The following THSD7A variants were observed in gnomAD, a reference collection of about 807,000 sequenced individuals.
THSD7A encodes the protein thrombospondin type-1 domain-containing protein 7A.
Under a neutral mutation model 231.3 loss-of-function variants are expected in THSD7A, and 96 were observed. The ratio of observed to expected loss-of-function variants is 0.41; its 90% CI spans 0.35 to 0.49. The LOEUF is 0.49. Among genes scored for constraint, THSD7A ranks in the 20% least tolerant of loss-of-function variants. The pLI, the probability that THSD7A is intolerant of heterozygous loss-of-function variation, is 0.05. For synonymous variants in THSD7A, 940 were observed against 743.3 expected (o/e 1.26, Z -4.30); for missense variants, 2,290 against 2,070.2 (o/e 1.11, Z -2.06).
At chr7:11,702,553 G>A (rs1183217462) in intron 1 of THSD7A, among the ~76,000 whole-genome samples, 2 of 151,160 alleles carry the variant, frequency 1.3e-5, no homozygotes, top group Non-Finnish European at 3.0e-5. Flanking sequence ...ATGTTTCTGG[G>A]CAGGCCGATC....
intron 2 of THSD7A, among the ~76,000 whole-genome samples, chr7:11,598,907 G>A (rs1213042745): frequency 2.0e-5 from 3 of 152,130 alleles, no homozygotes; most frequent in African/African-American, 7.2e-5. Flanking sequence ...GGAAGTTAAG[G>A]TTGCTACCTG....
At chr7:11,793,365 A>G (rs573785356) in intron 1 of THSD7A, among the ~76,000 whole-genome samples, 6 of 152,102 alleles carry the variant, frequency 3.9e-5, no homozygotes, top group East Asian at 1.9e-4. Flanking sequence ...ACATACAGGA[A>G]CTAGAGAGTG....
At chr7:11,387,353 G>A (rs1782790220) in intron 23 of THSD7A, among the ~76,000 whole-genome samples, 1 of 152,094 alleles carries the variant, frequency 6.6e-6, no homozygotes, top group Admixed American at 6.5e-5. Flanking sequence ...ATCATGGGAT[G>A]TTTTTCCATT....
chr7:11,831,929 C>T lies in THSD7A; in HGVS notation c.18G>A (p.Arg6=), dbSNP rs1785210885. The change falls in exon 1 of 28, where the codon AGG becomes AGA. Residue 6 remains arginine (R), a synonymous_variant. Coordinates refer to ENST00000423059, the MANE Select transcript of THSD7A (RefSeq NM_015204.3). The surrounding 1 kb of genome is among the most constrained non-coding windows in gnomAD (Gnocchi z 5.0). MGLQA[R]RWASGSRGAA... is the part of the protein sequence containing the mutation. ...CGCCCCGGCTCCCGGACGCCCAGCG[C>T]CTGGCTTGCAGCCCCATGCCGCCTG... 2.4e-6 allele frequency: 3 copies of T among 1,235,484 alleles called. No individual in the cohort carries two copies. The highest frequency in any genetic ancestry group is 4.3e-5 in the Admixed American group (1 of 23,410). 76.5% of individuals were successfully genotyped at this position (1,235,484 alleles called of 1,614,324 possible).
In THSD7A at chr7:11,412,767, C is replaced by G; in HGVS notation, c.3571G>C (p.Ala1191Pro). 6.2e-7 allele frequency: 1 copy of G among 1,613,258 alleles called. No individual in the cohort carries two copies. The highest frequency in any genetic ancestry group is 8.5e-7 in the Non-Finnish European group (1 of 1,179,506). Residue 1191 changes from alanine (A) to proline (P), a missense_variant, in exon 18 of 28, where the codon GCT becomes CCT. By Grantham distance (27) the Ala-to-Pro change is conservative. Transcript: ENST00000423059. ...CNQSSFRQRS[A>P]DPIRQPADEG... ...TCAGCTGGTTGTCTGATGGGATCAGCTGACCTTTGCCGGAAACTGCTTTGA... is the reference window on the plus strand; with the variant it reads ...TCAGCTGGTTGTCTGATGGGATCAGGTGACCTTTGCCGGAAACTGCTTTGA...
intron 1 of THSD7A, among the ~76,000 whole-genome samples, chr7:11,784,671 T>C (rs866966471): frequency 1.3e-5 from 2 of 152,132 alleles, no homozygotes; most frequent in Non-Finnish European, 2.9e-5. Flanking sequence ...TTTAATTTCT[T>C]AATATTTTAA....
At chr7:11,433,977 A>G (rs1292047820) in intron 13 of THSD7A, among the ~76,000 whole-genome samples, 1 of 152,030 alleles carries the variant, frequency 6.6e-6, no homozygotes, top group African/African-American at 2.4e-5. Flanking sequence ...AAAAGCGTAT[A>G]TTGCCTAGCA....
intron 1 of THSD7A, among the ~76,000 whole-genome samples, chr7:11,675,969 G>A (rs1402609879): frequency 6.6e-6 from 1 of 152,166 alleles, no homozygotes; most frequent in African/African-American, 2.4e-5. Flanking sequence ...CTCCTGATGG[G>A]GAGACATCTC....
intron 1 of THSD7A, among the ~76,000 whole-genome samples, chr7:11,759,670 C>T (rs933195420): frequency 4.6e-5 from 7 of 151,934 alleles, no homozygotes; most frequent in Admixed American, 2.0e-4. Flanking sequence ...ACACGATTAC[C>T]TAATCACACC....
At chr7:11,577,474 A>C (rs1790965045) in intron 4 of THSD7A, among the ~76,000 whole-genome samples, 1 of 151,738 alleles carries the variant, frequency 6.6e-6, no homozygotes, top group South Asian at 2.1e-4. Context: ...GTGCCACCAC[A>C]CCCAGCTAAT....
chr7:11,787,338 T>C (rs1325226182), intron 1 of THSD7A, among the ~76,000 whole-genome samples: 3 of 151,984 alleles, frequency 2.0e-5, no homozygotes, highest in African/African-American at 7.2e-5. Context: ...AAAATCTAAA[T>C]GACTTTGGAT....
intron 1 of THSD7A, among the ~76,000 whole-genome samples, chr7:11,728,899 C>T (rs1354234507): frequency 6.6e-6 from 1 of 151,700 alleles, no homozygotes; most frequent in East Asian, 1.9e-4. Flanking sequence ...TATTAAACAG[C>T]ATAATAAACC....
intron 6 of THSD7A, among the ~76,000 whole-genome samples, chr7:11,491,851 G>A (rs1786905868): frequency 6.6e-6 from 1 of 152,016 alleles, no homozygotes; most frequent in South Asian, 2.1e-4. Flanking sequence ...TCTCAAGTTA[G>A]TCCCTCGTGG....
At chr7:11,423,679 G>A (rs749266819) in intron 16 of THSD7A, among the ~76,000 whole-genome samples, 39 of 152,092 alleles carry the variant, frequency 2.6e-4, no homozygotes, top group Non-Finnish European at 5.4e-4. Context: ...CACTGAGAAG[G>A]GTTAAAAGAA....
chr7:11,398,424 T>C (rs888548705), intron 23 of THSD7A, among the ~76,000 whole-genome samples: 1 of 151,970 alleles, frequency 6.6e-6, no homozygotes, highest in Middle Eastern at 3.4e-3. Context: ...TTAGGAGAAA[T>C]ACGTAAAGTA....
intron 16 of THSD7A, among the ~76,000 whole-genome samples, chr7:11,419,467 C>A (rs575882777): frequency 6.6e-6 from 1 of 152,148 alleles, no homozygotes; most frequent in African/African-American, 2.4e-5. Flanking sequence ...TCTCCTCATG[C>A]CTCCCCAGAA....
chr7:11,391,436 G>A (rs1333995869), intron 23 of THSD7A, among the ~76,000 whole-genome samples: 2 of 151,806 alleles, frequency 1.3e-5, no homozygotes, highest in African/African-American at 4.8e-5. Flanking sequence ...AGTAATGGCA[G>A]ACGCCCCTCC....
chr7:11,410,337 C>A (rs148886998), intron 19 of THSD7A: 42 of 152,210 alleles, frequency 2.8e-4, no homozygotes, highest in African/African-American at 9.6e-4. Context: ...GGTATAGGAA[C>A]AATTTACTGT....
chr7:11,699,827 G>A lies in THSD7A; in HGVS notation c.191-62866C>T, dbSNP rs1460177004. ...TTATTGAATCTCATGTAAGTAGAGT[G>A]TGCTATAAAGCGACTATAATTTGCA... On this transcript the variant is annotated intron_variant, in intron 1 of 27. Coordinates refer to ENST00000423059, the MANE Select transcript of THSD7A (RefSeq NM_015204.3). Among the ~76,000 whole-genome samples, 4 of 151,158 alleles carry A rather than the reference G, an allele frequency of 2.6e-5. No homozygotes were observed. In the Admixed American group the frequency reaches 2.6e-4, roughly 10 times the overall value.
Sources: allele counts gnomAD v4.1 joint callset (sites outside exome capture counted in the v4.1 genomes callset), GRCh38; gene constraint gnomAD v4.1.1; non-coding constraint Gnocchi (gnomAD v3.1); transcripts MANE v1.5; gene names NCBI Gene and HGNC (gene_info 2026-07-23, HGNC 2026-07-21).